Variants in FAM184B observed in about 807,000 individuals in gnomAD.
FAM184B encodes the protein protein FAM184B.
A neutral mutation model predicts 135.9 loss-of-function variants in FAM184B; 111 were observed. The ratio of observed to expected loss-of-function variants is 0.82; its 90% CI spans 0.70 to 0.96. FAM184B has a LOEUF of 0.96. Ranked by LOEUF, FAM184B falls within the 40% of genes least tolerant of loss-of-function variation. The pLI, the probability that FAM184B is intolerant of heterozygous loss-of-function variation, is 0.00. For synonymous variants in FAM184B, 552 were observed against 524.8 expected, an observed-to-expected ratio of 1.05 and a Z score of -0.71; for missense variants, 1,375 against 1,323.9, an observed-to-expected ratio of 1.04 and a Z score of -0.60.
chr4:17,641,931 G>C, intron 13 of FAM184B, 125 bp downstream of exon 13: 9 of 1,355,548 alleles, frequency 6.6e-6, no homozygotes, highest in Non-Finnish European at 8.7e-6. Flanking sequence ...AGTGTCTTGT[G>C]GGGCAGGATG....
At chr4:17,708,582 T>C (rs1041451604) in intron 2 of FAM184B, among the ~76,000 whole-genome samples, 5 of 145,390 alleles carry the variant, frequency 3.4e-5, no homozygotes, top group African/African-American at 1.3e-4. Context: ...GAGGTGGAGA[T>C]TGCAGTGAGC....
intron 1 of FAM184B, among the ~76,000 whole-genome samples, chr4:17,739,892 C>A (rs1338709467): frequency 6.6e-6 from 1 of 152,020 alleles, no homozygotes; most frequent in African/African-American, 2.4e-5. Flanking sequence ...ATCTGGACTT[C>A]TTTTATCTAA....
chr4:17,681,548 C>T (rs1716433931), intron 7 of FAM184B, among the ~76,000 whole-genome samples: 1 of 152,224 alleles, frequency 6.6e-6, no homozygotes, highest in Non-Finnish European at 1.5e-5. Flanking sequence ...GAGGGACACT[C>T]AGGATGTCAC....
intron 1 of FAM184B, among the ~76,000 whole-genome samples, chr4:17,772,584 C>G (rs10939760): frequency 4.6e-5 from 7 of 152,316 alleles, no homozygotes; most frequent in Non-Finnish European, 1.0e-4. Context: ...TACCAAATTC[C>G]TCAAAGCTAG....
chr4:17,738,335 A>G (rs1004320283), intron 1 of FAM184B, among the ~76,000 whole-genome samples: 5 of 152,108 alleles, frequency 3.3e-5, no homozygotes, highest in Admixed American at 2.6e-4. Flanking sequence ...AAGCAGATCA[A>G]TGCAGAGATA....
chr4:17,703,720 C>A (rs1177866027), intron 5 of FAM184B, among the ~76,000 whole-genome samples: 2 of 152,084 alleles, frequency 1.3e-5, no homozygotes, highest in African/African-American at 4.8e-5. Context: ...ATCACGAGGT[C>A]AAGAGATCTA....
rs1424688256 is a variant in FAM184B at position 17,708,982 on chromosome 4, C to G, written c.804G>C (p.Gln268His). Reference sequence around the variant, plus strand: ...CCAGGTCTCCTTCCAGCTTCCGGACCTGAGCCTGCAGGGCTGACTCCTGGA... The same window carrying G: ...CCAGGTCTCCTTCCAGCTTCCGGACGTGAGCCTGCAGGGCTGACTCCTGGA... ...FQVQESALQA[Q>H]VRKLEGDLEH... Residue 268 changes from glutamine to histidine, a missense_variant, in exon 2 of 18, where the codon CAG becomes CAC. Physicochemically the swap from Gln to His is conservative, Grantham distance 24. Transcript: ENST00000265018. 6.4e-7 allele frequency: 1 copy of G among 1,550,884 alleles called. No individual in the cohort carries two copies. Among genetic ancestry groups the G allele is most frequent in the South Asian group, 1.2e-5 (1 of 84,036 alleles).
chr4:17,648,582 G>A (rs560154138), intron 11 of FAM184B, among the ~76,000 whole-genome samples: 5 of 151,740 alleles, frequency 3.3e-5, no homozygotes, highest in Admixed American at 2.6e-4. Flanking sequence ...TCGAACTCCT[G>A]ACCTCAAGTG....
At chr4:17,702,038 C>T (rs934451756) in intron 5 of FAM184B, among the ~76,000 whole-genome samples, 1 of 152,170 alleles carries the variant, frequency 6.6e-6, no homozygotes, top group Non-Finnish European at 1.5e-5. Context: ...ATGCGCAGGG[C>T]CCAGTGTGGG....
Position 17,714,581 on chromosome 4 carries a change from C to T in FAM184B, c.142-4937G>A, listed in dbSNP as rs184318299. ...TTATCTGTAACAGCATCTATTAGTA[C>T]CTGTTTGGGGTCCCTGAGACTAACT... is the stretch of plus-strand genomic sequence containing the variant. On this transcript the variant is annotated intron_variant, in intron 1 of 17. Transcript: ENST00000265018. Among the ~76,000 whole-genome samples the T allele has an allele frequency of 5.3e-4, 80 of 152,176 alleles. No homozygotes were observed. The East Asian group carries it at 0.011, about 20-fold the overall frequency.
intron 8 of FAM184B, among the ~76,000 whole-genome samples, chr4:17,662,936 TTTTG>T (rs1182915351): frequency 5.3e-5 from 8 of 152,106 alleles, no homozygotes; most frequent in Non-Finnish European, 7.4e-5. Context: ...ACTCACATAT[TTTTG>T]TTTTTCTTTT....
chr4:17,751,995 G>A (rs1259310809), intron 1 of FAM184B, among the ~76,000 whole-genome samples: 1 of 151,772 alleles, frequency 6.6e-6, no homozygotes, highest in Non-Finnish European at 1.5e-5. Context: ...AGAACTGGCT[G>A]GGCTGCTGAG....
chr4:17,711,407 G>T (rs1420489922), intron 1 of FAM184B, among the ~76,000 whole-genome samples: 1 of 152,116 alleles, frequency 6.6e-6, no homozygotes, highest in Non-Finnish European at 1.5e-5. Context: ...GAACCTGGGA[G>T]GTGGAGGTTG....
At chr4:17,666,521 A>G in intron 7 of FAM184B, among the ~76,000 whole-genome samples, 1 of 96,280 alleles carries the variant, frequency 1.0e-5, no homozygotes, top group African/African-American at 4.0e-5. Context: ...ACGGGGTTTC[A>G]CCATGTTGCC....
intron 1 of FAM184B, among the ~76,000 whole-genome samples, chr4:17,744,934 C>T (rs1044418476): frequency 1.7e-4 from 26 of 152,272 alleles, no homozygotes; most frequent in Middle Eastern, 3.4e-3. Context: ...CTAAAGGAGG[C>T]AGTAGGACGC....
chr4:17,751,823 G>GCGCACACACACACACA lies in FAM184B; in HGVS notation c.141+29335_141+29336insTGTGTGTGTGTGTGCG, dbSNP rs764575898. On this transcript the variant is annotated intron_variant, in intron 1 of 17. Transcript: ENST00000265018. Reference sequence around the variant, plus strand: ...GGCTGATTCTGGCCCTAAAAACAAGGCACACACACACACACACACACACAC... The same window carrying GCGCACACACACACACA: ...GGCTGATTCTGGCCCTAAAAACAAGGCGCACACACACACACACACACACACACACACACACACACAC... 6.9e-5 allele frequency among the ~76,000 whole-genome samples: 8 copies of GCGCACACACACACACA among 115,898 alleles called. No homozygotes were observed. In the East Asian group the frequency reaches 8.4e-4, roughly 12 times the overall value. The allele number at this position is 115,898 out of a possible 152,430, so 76.0% of individuals were successfully genotyped here.
At chr4:17,764,383 G>C (rs545041845) in intron 1 of FAM184B, among the ~76,000 whole-genome samples, 1 of 152,160 alleles carries the variant, frequency 6.6e-6, no homozygotes, top group East Asian at 1.9e-4. Context: ...ATCTGGAAGG[G>C]CTCATCGAAG....
In FAM184B at chr4:17,647,670, T is replaced by C. The variant is rs1715506223; in HGVS notation, c.2313A>G (p.Pro771=). ...CGATTATGTGATCCTTGCTGTCTCC[T>C]GGACACTGGCTGCTGGCTTGCTGTC... The part of the protein sequence containing the change: ...LGRQQASSQC[P]GDSKDHIIAT... Residue 771 remains proline, a synonymous_variant, in exon 12 of 18, where the codon CCA becomes CCG. Transcript: ENST00000265018. 1.9e-6 allele frequency: 3 copies of C among 1,550,946 alleles called. No homozygotes were observed. Among genetic ancestry groups the C allele is most frequent in the Non-Finnish European group, 8.7e-7 (1 of 1,146,970 alleles).
chr4:17,769,140 A>G (rs541936381), intron 1 of FAM184B, among the ~76,000 whole-genome samples: 3 of 151,846 alleles, frequency 2.0e-5, no homozygotes, highest in African/African-American at 7.3e-5. Context: ...TAAATTATGC[A>G]ATCTCCATAC....
Sources: allele counts gnomAD v4.1 joint callset (sites outside exome capture counted in the v4.1 genomes callset), GRCh38; gene constraint gnomAD v4.1.1; transcripts MANE v1.5; gene names NCBI Gene and HGNC (gene_info 2026-07-23, HGNC 2026-07-21).